The following USP24 variants were observed in gnomAD, a reference collection of about 807,000 sequenced individuals.
USP24 encodes the protein ubiquitin specific peptidase 24, also known as ubiquitin carboxyl-terminal hydrolase 24.
Under a neutral mutation model 361.6 loss-of-function variants are expected in USP24, and 97 were observed. The observed-to-expected ratio is 0.27, with a 90% confidence interval of 0.23 to 0.32. The LOEUF (loss-of-function observed/expected upper bound fraction) is 0.32, where lower values mean the gene tolerates loss of function less well. USP24 is among the 10% of genes least tolerant of loss of function. The probability of loss-of-function intolerance (pLI) is 1.00; values close to 1 mark genes in which losing one functional copy is unlikely to be tolerated. For synonymous variants in USP24, 1,098 were observed against 1,124.6 expected (o/e 0.98, Z 0.47); for missense variants, 2,353 against 3,165.6 (o/e 0.74, Z 6.16).
chr1:55,101,674 A>C lies in USP24; in HGVS notation c.5055T>G (p.Ser1685Arg). The C allele has an allele frequency of 6.2e-7, 1 of 1,612,520 alleles. No individual in the cohort carries two copies. Among genetic ancestry groups the C allele is most frequent in the Non-Finnish European group, 8.5e-7 (1 of 1,179,404 alleles). Reference protein sequence around the residue: ...DYLPPVDSRSSSGFVGLRNGG... With the variant: ...DYLPPVDSRSRSGFVGLRNGG... ...CATTTCTCAGCCCCACAAACCCTGA[A>C]CTGGACCTGCTATCCACTGGGGGAA... The change falls in exon 43 of 68, where the codon AGT (serine) becomes AGG (arginine). Residue 1685 changes from serine to arginine, a missense_variant. Transcript: ENST00000294383.
At chr1:55,212,807 GC>G (rs936425741) in intron 1 of USP24, among the ~76,000 whole-genome samples, 1 of 152,088 alleles carries the variant, frequency 6.6e-6, no homozygotes, top group Non-Finnish European at 1.5e-5. Flanking sequence ...CCTCCCCCAG[GC>G]CAAATCCACA....
At chr1:55,139,839 A>C (rs1331336995) in intron 24 of USP24, among the ~76,000 whole-genome samples, 4 of 152,206 alleles carry the variant, frequency 2.6e-5, no homozygotes, top group African/African-American at 7.2e-5. Flanking sequence ...CAGAGTTCTA[A>C]ATTATTCCAG....
chr1:55,095,171 T>C, intron 51 of USP24, 84 bp downstream of exon 51: 1 of 1,391,430 alleles, frequency 7.2e-7, no homozygotes. Context: ...GCTAATTATC[T>C]TTAAAATCTC....
intron 1 of USP24, among the ~76,000 whole-genome samples, chr1:55,206,633 C>A: frequency 7.0e-6 from 1 of 143,116 alleles, no homozygotes; most frequent in East Asian, 2.1e-4. Context: ...ATTTCTTGTG[C>A]CAGTGAATGG....
rs1644855418 is a variant in USP24, at chr1:55,068,247, G to T, written c.*798C>A. On this transcript the variant is annotated 3_prime_UTR_variant, in exon 68 of 68. Transcript: ENST00000294383. ...TATCTTAAAGTGCTTTTATTTTGCT[G>T]TTTTTAAAATCTGTTTGGGGAACAA... 2 of 152,204 alleles carry T rather than the reference G, an allele frequency of 1.3e-5. No homozygotes were observed. The highest frequency in any genetic ancestry group is 4.1e-4 in the South Asian group (2 of 4,836). The allele number at this position is 152,204 out of a possible 1,614,324, so 9.4% of individuals were successfully genotyped here.
At chr1:55,198,170 C>T (rs1392483672) in intron 1 of USP24, among the ~76,000 whole-genome samples, 1 of 151,290 alleles carries the variant, frequency 6.6e-6, no homozygotes. Flanking sequence ...TTTTTAAAGA[C>T]AGGATCTCAC....
chr1:55,213,540 C>A (rs796847505), intron 1 of USP24, among the ~76,000 whole-genome samples: 12 of 152,292 alleles, frequency 7.9e-5, no homozygotes, highest in African/African-American at 2.9e-4. Context: ...AAGCTTAATT[C>A]TTCATTAAGA....
At chr1:55,133,520 G>A (rs568349687) in intron 30 of USP24, among the ~76,000 whole-genome samples, 27 of 152,098 alleles carry the variant, frequency 1.8e-4, no homozygotes, top group Middle Eastern at 3.4e-3. Flanking sequence ...AAAGGTAGAT[G>A]GTACTAAAGG....
intron 45 of USP24, among the ~76,000 whole-genome samples, 181 bp downstream of exon 45, chr1:55,099,590 T>C (rs1427979881): frequency 1.3e-5 from 2 of 152,134 alleles, no homozygotes; most frequent in African/African-American, 2.4e-5. Context: ...AGAGAAAATA[T>C]ACAATTCTAT....
At chr1:55,124,693 C>T (rs1053722196) in intron 34 of USP24, 65 bp from the exon 35 acceptor site, 13 of 1,557,602 alleles carry the variant, frequency 8.3e-6, no homozygotes, top group Non-Finnish European at 1.1e-5. Flanking sequence ...ACATGTACAA[C>T]CTTCTTACAG....
At chr1:55,099,592 C>T (rs1026074848) in intron 45 of USP24, among the ~76,000 whole-genome samples, 179 bp downstream of exon 45, 1 of 152,100 alleles carries the variant, frequency 6.6e-6, no homozygotes, top group African/African-American at 2.4e-5. Context: ...AGAAAATATA[C>T]AATTCTATTG....
intron 16 of USP24, among the ~76,000 whole-genome samples, chr1:55,152,597 T>C (rs1253992353): frequency 2.0e-5 from 3 of 152,158 alleles, no homozygotes; most frequent in African/African-American, 4.8e-5. Flanking sequence ...ATTTTAATCA[T>C]AAGGAGAGGT....
chr1:55,214,908 C>A lies in USP24; in HGVS notation c.206G>T (p.Gly69Val), dbSNP rs1185490751. ...GTCACCTCCGCCGTCGCCCCGCGGG[C>A]CCCCGCCGGGCCCGGGGCTGGGGCC... ...GGGPSPGPGG[G>V]PRGDGGGDGG... The change falls in exon 1 of 68, where the codon GGC becomes GTC. Residue 69 changes from glycine to valine, a missense_variant. Physicochemically the swap from Gly to Val is moderately radical, Grantham distance 109. Coordinates refer to ENST00000294383, the MANE Select transcript of USP24 (RefSeq NM_015306.3). The A allele has an allele frequency of 2.3e-6, 3 of 1,288,336 alleles. No individual in the cohort carries two copies. Among genetic ancestry groups the A allele is most frequent in the Admixed American group, 3.4e-5 (1 of 29,664 alleles). The allele number at this position is 1,288,336 out of a possible 1,614,324, so 79.8% of individuals were successfully genotyped here.
intron 3 of USP24, among the ~76,000 whole-genome samples, chr1:55,174,166 C>T (rs968822281): frequency 4.6e-5 from 7 of 152,058 alleles, no homozygotes; most frequent in Non-Finnish European, 1.0e-4. Flanking sequence ...CTTTGTGCAC[C>T]TTATTTATGT....
intron 2 of USP24, among the ~76,000 whole-genome samples, chr1:55,177,107 A>C (rs900516132): frequency 2.7e-5 from 4 of 148,726 alleles, no homozygotes; most frequent in Admixed American, 1.3e-4. Context: ...AAAAAAAAAA[A>C]CAACAAAAAC....
chr1:55,134,234 A>C lies in USP24; in HGVS notation c.3288-71T>G, dbSNP rs1646672612. Reference sequence around the variant, plus strand: ...ATTCAACAAAGTCCATTAGTATGGAATATAAAATAAAATGCATTTCAAGTG... The same window carrying C: ...ATTCAACAAAGTCCATTAGTATGGACTATAAAATAAAATGCATTTCAAGTG... On this transcript the variant is annotated intron_variant, in intron 29 of 67. Transcript: ENST00000294383. The C allele has an allele frequency of 1.9e-6, 3 of 1,564,850 alleles. No individual in the cohort carries two copies. The African/African-American group carries it at 4.1e-5, about 21-fold the overall frequency.
chr1:55,151,162 A>T (rs964935936), intron 16 of USP24, among the ~76,000 whole-genome samples: 1 of 139,638 alleles, frequency 7.2e-6, no homozygotes, highest in Non-Finnish European at 1.6e-5. Context: ...AAACTTCTCT[A>T]TAACAATGCT....
At chr1:55,096,871 C>T (rs1295768235) in intron 49 of USP24, 81 bp downstream of exon 49, 26 of 1,502,002 alleles carry the variant, frequency 1.7e-5, no homozygotes, top group Non-Finnish European at 2.2e-5. Flanking sequence ...AGTGTCCCTG[C>T]ACCACAGCGG....
chr1:55,214,921 CGGGGCT>C lies in USP24; in HGVS notation c.187_192del (p.Ser63_Pro64del). 7.6e-7 allele frequency: 1 copy of C among 1,317,326 alleles called. No homozygotes were observed. Among genetic ancestry groups the C allele is most frequent in the Non-Finnish European group, 9.8e-7 (1 of 1,024,316 alleles). 81.6% of individuals were successfully genotyped at this position (1,317,326 alleles called of 1,614,324 possible). On this transcript the variant is annotated inframe_deletion, in exon 1 of 68. Coordinates refer to ENST00000294383, the MANE Select transcript of USP24 (RefSeq NM_015306.3). ...TCGCCCCGCGGGCCCCCGCCGGGCC[CGGGGCT>C]GGGGCCACCGCCGCTGTCCATGGGC...
Sources: gnomAD v4.1 joint callset for allele counts (sites outside exome capture counted in the v4.1 genomes callset) on GRCh38, gnomAD v4.1.1 for gene constraint, MANE v1.5 for transcripts, NCBI Gene and HGNC (gene_info 2026-07-23, HGNC 2026-07-21) for gene names.